TRIM2: variants seen among roughly 807,000 people sequenced by gnomAD.
The protein encoded by TRIM2 is tripartite motif-containing protein 2.
In TRIM2, 20 loss-of-function variants were observed where a neutral mutation model predicts 75.2. That is an observed-to-expected ratio of 0.27 (90% CI 0.19 to 0.39). TRIM2 has a LOEUF of 0.39. TRIM2 is among the 10% of genes least tolerant of loss of function. The probability of loss-of-function intolerance (pLI) is 1.00; values close to 1 mark genes in which losing one functional copy is unlikely to be tolerated. For missense variants in TRIM2, 660 were observed against 990.8 expected (o/e 0.67, Z 4.48); for synonymous variants, 373 against 388.3 (o/e 0.96, Z 0.46).
chr4:153,232,578 T>A (rs1428724020), intron 1 of TRIM2, among the ~76,000 whole-genome samples: 1 of 151,966 alleles, frequency 6.6e-6, no homozygotes, highest in Non-Finnish European at 1.5e-5. Flanking sequence ...AAGAGGTGTT[T>A]TAGTGAGAGT....
rs541547164 is a variant in TRIM2 at position 153,160,399 on chromosome 4, C to A, written c.-49+7129C>A. On this transcript the variant is annotated intron_variant, in intron 1 of 11. Transcript: ENST00000437508. ...ATCTCATTAGCTTCTCCAAAGGAAA[C>A]AAATAAGTCTTGTGAGCTACTACTG... 2.6e-5 allele frequency among the ~76,000 whole-genome samples: 4 copies of A among 152,280 alleles called. No individual in the cohort carries two copies. In the East Asian group the frequency reaches 7.7e-4, roughly 29 times the overall value.
intron 1 of TRIM2, among the ~76,000 whole-genome samples, chr4:153,227,069 C>CA (rs948842427): frequency 4.0e-4 from 61 of 152,200 alleles, no homozygotes; most frequent in African/African-American, 1.3e-3. Flanking sequence ...CTGAGCTCCT[C>CA]AAGTCTTTCC....
intron 1 of TRIM2, among the ~76,000 whole-genome samples, chr4:153,172,596 G>A (rs1002016175): frequency 6.6e-5 from 10 of 152,150 alleles, no homozygotes; most frequent in Admixed American, 2.0e-4. Flanking sequence ...TTCATTCAGC[G>A]CAAATGTGTA....
At position 153,307,510 on chromosome 4, in the gene TRIM2, C is replaced by T. The variant is rs375194296; in HGVS notation, c.1511-7975C>T. 3.3e-5 allele frequency among the ~76,000 whole-genome samples: 5 copies of T among 152,214 alleles called. No homozygotes were observed. The South Asian group carries it at 6.2e-4, about 19-fold the overall frequency. The stretch of plus-strand genomic sequence containing the variant: ...TTATTAATCCGTTTATGACACAGTA[C>T]ACAGGAGGCAAAGTGTTTCACATCA... On this transcript the variant is annotated intron_variant, in intron 6 of 11. Coordinates refer to ENST00000338700, the MANE Select transcript of TRIM2 (RefSeq NM_015271.5).
chr4:153,307,433 T>C (rs539822298), intron 6 of TRIM2, among the ~76,000 whole-genome samples: 2 of 150,018 alleles, frequency 1.3e-5, no homozygotes, highest in East Asian at 3.9e-4. Flanking sequence ...TCAGAGACTT[T>C]ACAGGAAAAA....
At chr4:153,308,542 G>A in intron 6 of TRIM2, 2 of 719,926 alleles carry the variant, frequency 2.8e-6, no homozygotes, top group South Asian at 2.7e-5. Flanking sequence ...TCTCTGGTAG[G>A]TGAAGGCAAT....
At position 153,337,342 on chromosome 4, in the gene TRIM2, T is replaced by C; in HGVS notation, c.*2376T>C. 3 of 985,890 alleles carry C rather than the reference T, an allele frequency of 3.0e-6. No individual in the cohort carries two copies. The highest frequency in any genetic ancestry group is 3.6e-6 in the Non-Finnish European group (3 of 829,932). The allele number at this position is 985,890 out of a possible 1,614,324, so 61.1% of individuals were successfully genotyped here. On this transcript the variant is annotated 3_prime_UTR_variant, in exon 12 of 12. Coordinates refer to ENST00000338700, the MANE Select transcript of TRIM2 (RefSeq NM_015271.5). Reference sequence around the variant, plus strand: ...ACTTACAATCTAACCAGCCATCATATCATATCCTATCAGGCTAGATATCTC... The same window carrying C: ...ACTTACAATCTAACCAGCCATCATACCATATCCTATCAGGCTAGATATCTC...
chr4:153,285,009 C>T (rs1017174620), intron 3 of TRIM2, among the ~76,000 whole-genome samples: 1 of 152,018 alleles, frequency 6.6e-6, no homozygotes, highest in Non-Finnish European at 1.5e-5. Flanking sequence ...GCTTAGAATC[C>T]ATTGCTGATT....
chr4:153,179,987 A>G (rs1731883938), intron 1 of TRIM2, among the ~76,000 whole-genome samples: 1 of 152,194 alleles, frequency 6.6e-6, no homozygotes, highest in Non-Finnish European at 1.5e-5. Context: ...TTTTCGTCTA[A>G]ACCATGTCAA....
At chr4:153,229,806 T>TGCTAAAACTAAATCTCGATAGAACTAA (rs1374683948) in intron 1 of TRIM2, among the ~76,000 whole-genome samples, 40 of 152,356 alleles carry the variant, frequency 2.6e-4, no homozygotes, top group African/African-American at 9.4e-4. Flanking sequence ...TTGCACACAG[T>TGCTAAAACTAAATCTCGATAGAACTAA]ATACTCCATG....
chr4:153,261,955 T>G (rs2149990591), intron 1 of TRIM2, among the ~76,000 whole-genome samples: 1 of 152,270 alleles, frequency 6.6e-6, no homozygotes, highest in Non-Finnish European at 1.5e-5. Flanking sequence ...AGAGATGATG[T>G]GAGGGAAGAA....
chr4:153,172,224 T>G (rs941929957), intron 1 of TRIM2, among the ~76,000 whole-genome samples: 26 of 152,120 alleles, frequency 1.7e-4, no homozygotes, highest in Non-Finnish European at 2.6e-4. Flanking sequence ...GTCTTGCTCT[T>G]TCACCCAGGC....
At chr4:153,197,506 G>A (rs534063728) in intron 1 of TRIM2, among the ~76,000 whole-genome samples, 2 of 152,234 alleles carry the variant, frequency 1.3e-5, no homozygotes, top group East Asian at 3.9e-4. Context: ...AGCCCCCAAG[G>A]TGATGGTCTT....
chr4:153,249,601 C>A (rs1441837642), intron 1 of TRIM2, among the ~76,000 whole-genome samples: 1 of 149,300 alleles, frequency 6.7e-6, no homozygotes, highest in East Asian at 1.9e-4. Flanking sequence ...CCTCCCTGCT[C>A]CCGCCTCGGC....
chr4:153,312,533 C>A (rs562449017), intron 6 of TRIM2, among the ~76,000 whole-genome samples: 8 of 151,900 alleles, frequency 5.3e-5, no homozygotes, highest in African/African-American at 1.9e-4. Flanking sequence ...GTTAGAATGG[C>A]GATCATTAAA....
At chr4:153,291,042 C>CA (rs946316843) in intron 3 of TRIM2, among the ~76,000 whole-genome samples, 1,795 of 143,466 alleles carry the variant, frequency 0.013, 13 homozygotes, top group Middle Eastern at 0.046. Flanking sequence ...CCTTATATGA[C>CA]AAAAAAAAAA....
chr4:153,172,337 G>A (rs956203178), intron 1 of TRIM2, among the ~76,000 whole-genome samples: 6 of 152,004 alleles, frequency 3.9e-5, no homozygotes, highest in Admixed American at 6.6e-5. Flanking sequence ...ACAGGCGCCC[G>A]CCACCGCGCC....
At chr4:153,227,383 T>C (rs1336491711) in intron 1 of TRIM2, among the ~76,000 whole-genome samples, 1 of 152,176 alleles carries the variant, frequency 6.6e-6, no homozygotes, top group Admixed American at 6.5e-5. Flanking sequence ...TGAGAGTGAA[T>C]AGTAGATAGG....
At chr4:153,263,999 C>T (rs1357566558) in intron 1 of TRIM2, among the ~76,000 whole-genome samples, 5 of 152,168 alleles carry the variant, frequency 3.3e-5, no homozygotes, top group Non-Finnish European at 7.3e-5. Flanking sequence ...GGGAGGGACA[C>T]AGACATGGAG....
Sources: gnomAD v4.1 joint callset for allele counts (sites outside exome capture counted in the v4.1 genomes callset) on GRCh38, gnomAD v4.1.1 for gene constraint, MANE v1.5 for transcripts, NCBI Gene and HGNC (gene_info 2026-07-23, HGNC 2026-07-21) for gene names.